BCOR: variants seen among roughly 807,000 people sequenced by gnomAD.
The protein encoded by BCOR is BCL6 corepressor.
BCOR carries 10 observed loss-of-function variants against 86.7 expected under a neutral mutation model. That is an observed-to-expected ratio of 0.12 (90% CI 0.07 to 0.20). The LOEUF (loss-of-function observed/expected upper bound fraction) is 0.20. BCOR is among the 10% of genes least tolerant of loss of function. The pLI is 1.00. For missense variants in BCOR, 1,259 were observed against 1,452.1 expected (o/e 0.87, Z 2.16); for synonymous variants, 611 against 609.0 (o/e 1.00, Z -0.05).
chrX:40,122,657 C>T (rs1177840845), intron 1 of BCOR, among the ~76,000 whole-genome samples: 1 of 111,941 alleles, frequency 8.9e-6, no homozygotes, highest in Non-Finnish European at 1.9e-5. Context: ...TCCCATGCCC[C>T]AAGGACCATG....
chrX:40,143,096 C>T (rs759297602), intron 1 of BCOR, among the ~76,000 whole-genome samples: 1 of 112,221 alleles, frequency 8.9e-6, no homozygotes, highest in East Asian at 2.8e-4. Flanking sequence ...AGCTAATGAT[C>T]GCCTTAGGCG....
rs894412029 is a variant in BCOR at position 40,109,866 on chromosome X, G to A, written c.-40-31897C>T. Among the ~76,000 whole-genome samples the A allele has an allele frequency of 3.6e-5, 4 of 112,036 alleles. No individual in the cohort carries two copies. In the South Asian group the frequency reaches 1.5e-3, roughly 41 times the overall value. ...CTCCTGCGGCGTCGCAGAAGGAGGGGGAGAGGGGAGCGCGGGAAGCGCGCG... is the reference window on the plus strand; with the variant it reads ...CTCCTGCGGCGTCGCAGAAGGAGGGAGAGAGGGGAGCGCGGGAAGCGCGCG... On this transcript the variant is annotated intron_variant, in intron 1 of 14. Transcript: ENST00000342274.
intron 1 of BCOR, among the ~76,000 whole-genome samples, chrX:40,144,079 G>A (rs1370245901): frequency 9.8e-6 from 1 of 101,640 alleles, no homozygotes; most frequent in East Asian, 3.1e-4. Context: ...GACCTGGAGG[G>A]GAAGAGGGAA....
At chrX:40,173,240 TTATCCCA>T (rs1938669370) in intron 1 of BCOR, among the ~76,000 whole-genome samples, 2 of 111,800 alleles carry the variant, frequency 1.8e-5, no homozygotes, top group East Asian at 5.7e-4. Flanking sequence ...CCAGGCCCTA[TTATCCCA>T]AGCTGTGCGG....
At chrX:40,116,638 G>A (rs1937400138) in intron 1 of BCOR, among the ~76,000 whole-genome samples, 1 of 111,844 alleles carries the variant, frequency 8.9e-6, no homozygotes, top group African/African-American at 3.3e-5. Context: ...TATTCATGCC[G>A]TCACAGCCCC....
chrX:40,088,761 TCAAA>T (rs1169410476), intron 1 of BCOR, among the ~76,000 whole-genome samples: 6 of 112,128 alleles, frequency 5.4e-5, no homozygotes, highest in African/African-American at 2.0e-4. Flanking sequence ...TTAATCCCTA[TCAAA>T]CAAACCACAG....
At chrX:40,175,762 C>T (rs1051457153) in intron 1 of BCOR, among the ~76,000 whole-genome samples, 23 of 113,037 alleles carry the variant, frequency 2.0e-4, no homozygotes, top group African/African-American at 6.7e-4. Flanking sequence ...GAGGAACTAG[C>T]ACCACTCCCC....
intron 1 of BCOR, among the ~76,000 whole-genome samples, chrX:40,091,400 C>G (rs1306803861): frequency 9.0e-6 from 1 of 111,709 alleles, no homozygotes; most frequent in Non-Finnish European, 1.9e-5. Flanking sequence ...AGTGGACTTC[C>G]CCGCTTCTCT....
Position 40,052,020 on chromosome X carries a change from T to C in BCOR, c.*89A>G. On this transcript the variant is annotated 3_prime_UTR_variant, in exon 15 of 15. Transcript: ENST00000378444. The stretch of plus-strand genomic sequence containing the variant: ...GAAGAGATATTTTCATATGTAATAG[T>C]GTCCTTTCTTTACAGAAATAGTTGT... The C allele has an allele frequency of 3.6e-6, 3 of 829,236 alleles. No homozygotes were observed. The highest frequency in any genetic ancestry group is 5.0e-6 in the Non-Finnish European group (3 of 605,954). 68.3% of individuals were successfully genotyped at this position (829,236 alleles called of 1,213,427 possible).
intron 1 of BCOR, among the ~76,000 whole-genome samples, chrX:40,152,589 C>G (rs1938190660): frequency 8.8e-6 from 1 of 113,008 alleles, no homozygotes; most frequent in Non-Finnish European, 1.9e-5. Context: ...CCAAACACCA[C>G]GCCGCTTTCT....
intron 1 of BCOR, among the ~76,000 whole-genome samples, chrX:40,088,758 C>G (rs1936469526): frequency 8.9e-6 from 1 of 112,158 alleles, no homozygotes; most frequent in Non-Finnish European, 1.9e-5. Context: ...GACTTAATCC[C>G]TATCAAACAA....
intron 1 of BCOR, among the ~76,000 whole-genome samples, chrX:40,157,570 GCAAA>G (rs1335379901): frequency 1.8e-5 from 2 of 112,502 alleles, no homozygotes; most frequent in African/African-American, 3.2e-5. Flanking sequence ...TAAACAACAT[GCAAA>G]CTTTGGTTGG....
rs190891688 is a variant in BCOR at position 40,135,273 on chromosome X, G to T, written c.-41+41734C>A. 8.1e-5 allele frequency among the ~76,000 whole-genome samples: 9 copies of T among 111,657 alleles called. No homozygotes were observed. In the East Asian group the frequency reaches 2.5e-3, roughly 31 times the overall value. ...CCAAGACATGCTTAGAGGTAAGCAAGGAAACTTGCTCGGTCTGGGGTCTCC... is the reference window on the plus strand; with the variant it reads ...CCAAGACATGCTTAGAGGTAAGCAATGAAACTTGCTCGGTCTGGGGTCTCC... On this transcript the variant is annotated intron_variant, in intron 1 of 14. Transcript: ENST00000342274.
At chrX:40,141,929 G>A (rs772762397) in intron 1 of BCOR, among the ~76,000 whole-genome samples, 72 of 111,248 alleles carry the variant, frequency 6.5e-4, no homozygotes, top group South Asian at 1.5e-3. Flanking sequence ...ATGCCCACCT[G>A]TAAACTGCTA....
intron 6 of BCOR, among the ~76,000 whole-genome samples, chrX:40,064,848 CCTT>C (rs1407000364): frequency 8.9e-6 from 1 of 111,815 alleles, no homozygotes; most frequent in Non-Finnish European, 1.9e-5. Flanking sequence ...CTGACTTTCT[CCTT>C]CTCCCTTCTT....
At position 40,169,487 on chromosome X, in the gene BCOR, AAC is replaced by A. The variant is rs1428647711; in HGVS notation, c.-41+7518_-41+7519del. On this transcript the variant is annotated intron_variant, in intron 1 of 14. Transcript: ENST00000342274. ...ATTCGCTGCACTTTTTATATGTAAA[AAC>A]AGTCTTGGTACCTCCTAAACGGCTT... is the stretch of plus-strand genomic sequence containing the variant. 2.7e-5 allele frequency among the ~76,000 whole-genome samples: 3 copies of A among 111,537 alleles called. No individual in the cohort carries two copies. In the East Asian group the frequency reaches 8.4e-4, roughly 31 times the overall value.
In BCOR at chrX:40,139,427, T is replaced by TATATATATATATATATAAAATATATATAC. The variant is rs1448817748; in HGVS notation, c.-41+37579_-41+37580insGTATATATATTTTATATATATATATATAT. On this transcript the variant is annotated intron_variant, in intron 1 of 14. Coordinates refer to the BCOR transcript ENST00000342274. ...TATATATATATATAATATATATACA[T>TATATATATATATATATAAAATATATATAC]ATATATATATATATATATAATATAT... 2.6e-4 allele frequency among the ~76,000 whole-genome samples: 2 copies of TATATATATATATATATAAAATATATATAC among 7,585 alleles called. 1 individual carries two copies. Among genetic ancestry groups the TATATATATATATATATAAAATATATATAC allele is most frequent in the African/African-American group, 4.3e-3 (2 of 464 alleles). The allele number at this position is 7,585 out of a possible 115,157, so 6.6% of individuals were successfully genotyped here.
chrX:40,090,019 C>G (rs771985818), intron 1 of BCOR, among the ~76,000 whole-genome samples: 228 of 112,180 alleles, frequency 2.0e-3, no homozygotes, highest in Middle Eastern at 4.6e-3. Flanking sequence ...CCTCAGGGCC[C>G]AACATCCCCT....
At position 40,072,264 on chromosome X, in the gene BCOR, G is replaced by T. The variant is rs754205572; in HGVS notation, c.2997+85C>A. The T allele has an allele frequency of 2.7e-5, 27 of 1,002,547 alleles. No homozygotes were observed. The African/African-American group carries it at 4.8e-4, about 18-fold the overall frequency. 82.6% of individuals were successfully genotyped at this position (1,002,547 alleles called of 1,213,427 possible). ...ATTCACCAAATCTGCCTGGTGCCCT[G>T]CCCTACCATACTCCCCCAATCCTGT... On this transcript the variant is annotated intron_variant, in intron 4 of 14. Transcript: ENST00000378444.
Sources: allele counts gnomAD v4.1 joint callset (sites outside exome capture counted in the v4.1 genomes callset), GRCh38; gene constraint gnomAD v4.1.1; transcripts MANE v1.5; gene names NCBI Gene and HGNC (gene_info 2026-07-23, HGNC 2026-07-21).